Variants in KIF6 observed in about 807,000 individuals in gnomAD.
KIF6 encodes the protein kinesin-like protein KIF6.
Under a neutral mutation model 112.7 loss-of-function variants are expected in KIF6, and 106 were observed. That is an observed-to-expected ratio of 0.94 (90% CI 0.80 to 1.11). The LOEUF is 1.11. KIF6 is among the 50% of genes least tolerant of loss of function. The pLI, the probability that KIF6 is intolerant of heterozygous loss-of-function variation, is 0.00. For synonymous variants in KIF6, 339 were observed against 339.9 expected (o/e 1.00, Z 0.03); for missense variants, 929 against 964.0 (o/e 0.96, Z 0.48).
intron 13 of KIF6, among the ~76,000 whole-genome samples, chr6:39,532,796 T>C (rs1010213955): frequency 3.3e-5 from 5 of 152,324 alleles, no homozygotes; most frequent in Admixed American, 1.3e-4. Flanking sequence ...CACATGTTTA[T>C]ACAAAACATT....
chr6:39,418,360 G>A (rs1305953661), intron 15 of KIF6, among the ~76,000 whole-genome samples: 1 of 152,040 alleles, frequency 6.6e-6, no homozygotes, highest in Non-Finnish European at 1.5e-5. Context: ...AAATACGCAG[G>A]CTTTTAAGAT....
intron 12 of KIF6, among the ~76,000 whole-genome samples, chr6:39,540,778 G>C (rs963628357): frequency 2.0e-5 from 3 of 152,346 alleles, no homozygotes; most frequent in Admixed American, 6.5e-5. Context: ...CACTCAGATG[G>C]GGGCTTTTTA....
intron 2 of KIF6, among the ~76,000 whole-genome samples, chr6:39,715,682 A>ATAAACTCT (rs1427551320): frequency 6.6e-6 from 1 of 152,020 alleles, no homozygotes; most frequent in Non-Finnish European, 1.5e-5. Context: ...TCATATTTTC[A>ATAAACTCT]GTAGCGACAG....
chr6:39,425,578 G>T (rs902116945), intron 14 of KIF6, among the ~76,000 whole-genome samples: 3 of 151,870 alleles, frequency 2.0e-5, no homozygotes, highest in Admixed American at 1.3e-4. Flanking sequence ...CTCGGAAGCT[G>T]TAAAGTCTTC....
At chr6:39,480,023 C>A (rs905437882) in intron 13 of KIF6, among the ~76,000 whole-genome samples, 7 of 152,140 alleles carry the variant, frequency 4.6e-5, no homozygotes, top group Non-Finnish European at 5.9e-5. Context: ...TCCTCTTTAT[C>A]AATTTGGATG....
At chr6:39,561,920 G>C (rs1392458271) in intron 10 of KIF6, among the ~76,000 whole-genome samples, 2 of 152,198 alleles carry the variant, frequency 1.3e-5, no homozygotes, top group Non-Finnish European at 2.9e-5. Context: ...TGCCACGTGA[G>C]AAATGTTTCT....
intron 16 of KIF6, among the ~76,000 whole-genome samples, chr6:39,380,717 G>A (rs566840867): frequency 6.6e-6 from 1 of 152,080 alleles, no homozygotes; most frequent in African/African-American, 2.4e-5. Context: ...CTGATTTGAA[G>A]CCACCAGTAT....
intron 3 of KIF6, among the ~76,000 whole-genome samples, chr6:39,694,190 T>C (rs779908129): frequency 6.6e-6 from 1 of 150,526 alleles, no homozygotes; most frequent in East Asian, 1.9e-4. Flanking sequence ...AAGCCATCTA[T>C]GACAAACCCA....
intron 3 of KIF6, among the ~76,000 whole-genome samples, chr6:39,683,182 T>G (rs1787640272): frequency 6.6e-6 from 1 of 152,186 alleles, no homozygotes; most frequent in African/African-American, 2.4e-5. Flanking sequence ...GGGGGATGAT[T>G]GGATATGATC....
At chr6:39,611,049 G>GT (rs1783186718) in intron 6 of KIF6, among the ~76,000 whole-genome samples, 1 of 152,198 alleles carries the variant, frequency 6.6e-6, no homozygotes, top group Non-Finnish European at 1.5e-5. Flanking sequence ...GCTCACACCT[G>GT]TAATTCCAGC....
intron 14 of KIF6, among the ~76,000 whole-genome samples, chr6:39,422,576 G>A (rs571663394): frequency 6.6e-6 from 1 of 152,170 alleles, no homozygotes; most frequent in Non-Finnish European, 1.5e-5. Flanking sequence ...TTGTCAAGAC[G>A]AACTCTGAAA....
At chr6:39,555,448 C>T (rs1038869155) in intron 10 of KIF6, among the ~76,000 whole-genome samples, 1 of 152,064 alleles carries the variant, frequency 6.6e-6, no homozygotes, top group African/African-American at 2.4e-5. Flanking sequence ...TGTATGCTAC[C>T]CTGCTGGGCC....
chr6:39,531,021 C>A (rs1778028755), intron 13 of KIF6, among the ~76,000 whole-genome samples: 1 of 151,600 alleles, frequency 6.6e-6, no homozygotes, highest in Non-Finnish European at 1.5e-5. Flanking sequence ...TGTAGTTTTG[C>A]CAAAAAAAAA....
chr6:39,709,602 T>C (rs1360474193), intron 3 of KIF6, among the ~76,000 whole-genome samples: 1 of 152,162 alleles, frequency 6.6e-6, no homozygotes, highest in Non-Finnish European at 1.5e-5. Flanking sequence ...ATATCACTGG[T>C]TTGGACGAAG....
rs562563948 is a variant in KIF6, at chr6:39,532,789, A to G, written c.1645+7214T>C. On this transcript the variant is annotated intron_variant, in intron 13 of 22. Coordinates refer to ENST00000287152, the MANE Select transcript of KIF6 (RefSeq NM_145027.6). ...CATGTCAGGTAGTCCATTCCAACAC[A>G]TGTTTATACAAAACATTTCATCTTA... Among the ~76,000 whole-genome samples, 13 of 152,322 alleles carry G rather than the reference A, an allele frequency of 8.5e-5. No homozygotes were observed. In the South Asian group the frequency reaches 1.7e-3, roughly 19 times the overall value.
At chr6:39,666,975 AT>A (rs1434828827) in intron 3 of KIF6, among the ~76,000 whole-genome samples, 1 of 152,174 alleles carries the variant, frequency 6.6e-6, no homozygotes, top group African/African-American at 2.4e-5. Flanking sequence ...CTTTCATTTC[AT>A]TAAGTTCCTC....
At chr6:39,449,385 G>A (rs1264587411) in intron 13 of KIF6, among the ~76,000 whole-genome samples, 4 of 152,102 alleles carry the variant, frequency 2.6e-5, no homozygotes, top group African/African-American at 9.7e-5. Context: ...ATGCCTTCTT[G>A]GCTCCCTGGC....
In KIF6 at chr6:39,627,983, TAC is replaced by T. The variant is rs528360865; in HGVS notation, c.509+6864_509+6865del. Reference sequence around the variant, plus strand: ...ATTTCTAAATACAGAATAGGTTTAATACACATATGTGTGTATATGCATATGTA... The same window carrying T: ...ATTTCTAAATACAGAATAGGTTTAATACATATGTGTGTATATGCATATGTA... On this transcript the variant is annotated intron_variant, in intron 5 of 22. Transcript: ENST00000287152. 2.6e-3 allele frequency among the ~76,000 whole-genome samples: 400 copies of T among 152,318 alleles called. 2 individuals are homozygous for T. The highest frequency in any genetic ancestry group is 8.8e-3 in the African/African-American group (366 of 41,576).
intron 13 of KIF6, among the ~76,000 whole-genome samples, chr6:39,484,783 T>C (rs914374971): frequency 1.3e-5 from 2 of 152,184 alleles, no homozygotes; most frequent in African/African-American, 4.8e-5. Flanking sequence ...CCTGTATATA[T>C]AAAGGTGTCA....
Sources: allele counts gnomAD v4.1 joint callset (sites outside exome capture counted in the v4.1 genomes callset), GRCh38; gene constraint gnomAD v4.1.1; transcripts MANE v1.5; gene names NCBI Gene and HGNC (gene_info 2026-07-23, HGNC 2026-07-21).